Variants in GPC5 observed in about 807,000 individuals in gnomAD.
GPC5 encodes glypican 5, also known as glypican-5.
In GPC5, 47 loss-of-function variants were observed where a neutral mutation model predicts 53.9. The observed-to-expected ratio is 0.87, with a 90% CI of 0.69 to 1.11. GPC5 has a LOEUF of 1.11. Ranked by LOEUF, GPC5 falls within the 50% of genes most tolerant of loss-of-function variation. The pLI, the probability that GPC5 is intolerant of heterozygous loss-of-function variation, is 0.00. For synonymous variants in GPC5, 286 were observed against 263.3 expected, an observed-to-expected ratio of 1.09 and a Z score of -0.84; for missense variants, 748 against 713.1, an observed-to-expected ratio of 1.05 and a Z score of -0.56.
intron 6 of GPC5, among the ~76,000 whole-genome samples, chr13:92,078,299 G>A (rs1307145389): frequency 6.6e-6 from 1 of 152,114 alleles, no homozygotes; most frequent in Non-Finnish European, 1.5e-5. Context: ...CCTTTATTCT[G>A]AGCGCCATTT....
intron 6 of GPC5, among the ~76,000 whole-genome samples, chr13:92,035,785 A>G (rs1005278512): frequency 6.1e-5 from 9 of 148,370 alleles, no homozygotes; most frequent in Non-Finnish European, 1.3e-4. Context: ...AACAATGTTC[A>G]CCAAAGCTAC....
chr13:92,230,481 C>A lies in GPC5; in HGVS notation c.1561+85492C>A, dbSNP rs569788320. Among the ~76,000 whole-genome samples, 55 of 152,118 alleles carry A rather than the reference C, an allele frequency of 3.6e-4. No individual in the cohort carries two copies. In the South Asian group the frequency reaches 7.1e-3, roughly 20 times the overall value. On this transcript the variant is annotated intron_variant, in intron 7 of 7. Transcript: ENST00000377067. ...AATTTCAGGATAATTTTTATAAAAT[C>A]TTCTCTTTTTGCTATCACCAAATCT...
intron 7 of GPC5, among the ~76,000 whole-genome samples, chr13:92,470,790 A>G (rs1878879430): frequency 6.6e-6 from 1 of 152,180 alleles, no homozygotes. Context: ...ACGTGGGTGT[A>G]AATATTAGGG....
intron 7 of GPC5, among the ~76,000 whole-genome samples, chr13:92,391,370 A>T (rs547629627): frequency 2.0e-5 from 3 of 152,152 alleles, no homozygotes; most frequent in Admixed American, 6.6e-5. Context: ...CACAAATTAT[A>T]CTATTGTGAG....
chr13:92,413,727 A>G (rs1876151929), intron 7 of GPC5, among the ~76,000 whole-genome samples: 1 of 152,184 alleles, frequency 6.6e-6, no homozygotes, highest in Non-Finnish European at 1.5e-5. Context: ...GAACTCAGAT[A>G]AAGAGGCTGG....
At chr13:92,666,814 T>G (rs2139197658) in intron 7 of GPC5, among the ~76,000 whole-genome samples, 1 of 152,340 alleles carries the variant, frequency 6.6e-6, no homozygotes. Flanking sequence ...TAATGCAGAC[T>G]TTTACAAGGA....
intron 7 of GPC5, among the ~76,000 whole-genome samples, chr13:92,342,630 A>G (rs1300326221): frequency 1.3e-5 from 2 of 151,664 alleles, no homozygotes; most frequent in African/African-American, 4.8e-5. Flanking sequence ...GAACTGTGAG[A>G]AATAAGTTTC....
intron 2 of GPC5, among the ~76,000 whole-genome samples, chr13:91,556,523 T>C (rs1237701606): frequency 2.8e-5 from 3 of 108,034 alleles, no homozygotes; most frequent in South Asian, 5.0e-4. Flanking sequence ...GCAGTATGTG[T>C]ATATATATAT....
At chr13:92,289,431 G>A (rs1268036855) in intron 7 of GPC5, among the ~76,000 whole-genome samples, 1 of 151,710 alleles carries the variant, frequency 6.6e-6, no homozygotes, top group Non-Finnish European at 1.5e-5. Flanking sequence ...CGTGAATTAA[G>A]GCTTATGAAT....
intron 7 of GPC5, among the ~76,000 whole-genome samples, chr13:92,273,604 C>A (rs2042854922): frequency 6.6e-6 from 1 of 151,966 alleles, no homozygotes; most frequent in East Asian, 1.9e-4. Flanking sequence ...AAATTCCCCT[C>A]CCTGAACAGG....
At chr13:92,348,889 A>G (rs1366178883) in intron 7 of GPC5, among the ~76,000 whole-genome samples, 2 of 150,586 alleles carry the variant, frequency 1.3e-5, no homozygotes, top group African/African-American at 5.0e-5. Flanking sequence ...AAGTGGAAAC[A>G]CAACATGCCA....
At chr13:91,543,469 T>C (rs1479648969) in intron 2 of GPC5, among the ~76,000 whole-genome samples, 2 of 152,220 alleles carry the variant, frequency 1.3e-5, no homozygotes, top group African/African-American at 4.8e-5. Context: ...CTTTTGTTTT[T>C]TTCCCTTTTA....
At chr13:91,844,970 A>G (rs2038831908) in intron 5 of GPC5, among the ~76,000 whole-genome samples, 1 of 152,182 alleles carries the variant, frequency 6.6e-6, no homozygotes, top group African/African-American at 2.4e-5. Context: ...ATGTCTTTTA[A>G]TATTGAAGAG....
intron 5 of GPC5, among the ~76,000 whole-genome samples, chr13:91,831,420 A>G (rs954897194): frequency 7.2e-5 from 11 of 152,030 alleles, no homozygotes; most frequent in African/African-American, 2.7e-4. Context: ...TCTTTTGGCA[A>G]CACTCACACA....
intron 2 of GPC5, among the ~76,000 whole-genome samples, chr13:91,642,124 T>C (rs74777088): frequency 0.019 from 2,881 of 151,558 alleles, 40 homozygotes; most frequent in Non-Finnish European, 0.033. Flanking sequence ...TGGTAAAAAA[T>C]TTAGTAATTT....
chr13:92,423,488 T>C (rs1300065608), intron 7 of GPC5, among the ~76,000 whole-genome samples: 1 of 152,198 alleles, frequency 6.6e-6, no homozygotes, highest in Non-Finnish European at 1.5e-5. Context: ...GTGTATTAAT[T>C]TGTTAATCTC....
intron 5 of GPC5, among the ~76,000 whole-genome samples, chr13:91,773,640 C>A (rs959501505): frequency 2.0e-5 from 3 of 152,124 alleles, no homozygotes; most frequent in Admixed American, 2.0e-4. Flanking sequence ...TGATCTGGTT[C>A]TACAATTTAA....
At chr13:92,310,712 T>G (rs999079224) in intron 7 of GPC5, among the ~76,000 whole-genome samples, 1 of 152,188 alleles carries the variant, frequency 6.6e-6, no homozygotes. Flanking sequence ...TTTAAAACTT[T>G]TAAGATCCTA....
At chr13:92,192,577 T>A (rs139565201) in intron 7 of GPC5, among the ~76,000 whole-genome samples, 320 of 152,324 alleles carry the variant, frequency 2.1e-3, no homozygotes, top group Non-Finnish European at 3.7e-3. Context: ...TTATTTTTAA[T>A]TCTAAATGTG....
Sources: gnomAD v4.1 joint callset for allele counts (sites outside exome capture counted in the v4.1 genomes callset) on GRCh38, gnomAD v4.1.1 for gene constraint, MANE v1.5 for transcripts, NCBI Gene and HGNC (gene_info 2026-07-23, HGNC 2026-07-21) for gene names.